The following PIK3C3 variants were observed in gnomAD, a reference collection of about 807,000 sequenced individuals.
PIK3C3 encodes the protein phosphatidylinositol 3-kinase catalytic subunit type 3.
In PIK3C3, 95 loss-of-function variants were observed where a neutral mutation model predicts 126.1. The ratio of observed to expected loss-of-function variants is 0.75; its 90% CI spans 0.64 to 0.89. The LOEUF (loss-of-function observed/expected upper bound fraction) is 0.89. PIK3C3 is among the 40% of genes least tolerant of loss of function. The probability of loss-of-function intolerance (pLI) is 0.00; values close to 1 mark genes in which losing one functional copy is unlikely to be tolerated. For synonymous variants in PIK3C3, 374 were observed against 360.0 expected, an observed-to-expected ratio of 1.04 and a Z score of -0.44; for missense variants, 829 against 1,063.2, an observed-to-expected ratio of 0.78 and a Z score of 3.06.
At chr18:42,063,916 TC>T (rs2144515527) in intron 22 of PIK3C3, among the ~76,000 whole-genome samples, 1 of 152,218 alleles carries the variant, frequency 6.6e-6, no homozygotes, top group Admixed American at 6.5e-5. Flanking sequence ...ATCCTGAAGA[TC>T]AAACCTGAAT....
At chr18:42,025,220 C>T (rs1040036547) in intron 13 of PIK3C3, 2 of 152,160 alleles carry the variant, frequency 1.3e-5, no homozygotes, top group Admixed American at 1.3e-4. Context: ...GCTATATGTT[C>T]ATTTGGAAAT....
At chr18:41,958,031 C>T (rs960159019) in intron 2 of PIK3C3, among the ~76,000 whole-genome samples, 1 of 152,170 alleles carries the variant, frequency 6.6e-6, no homozygotes, top group Non-Finnish European at 1.5e-5. Flanking sequence ...AAAAACACGT[C>T]TGTGGCATTT....
chr18:42,079,614 G>C (rs1986164142), intron 24 of PIK3C3, among the ~76,000 whole-genome samples: 2 of 152,058 alleles, frequency 1.3e-5, no homozygotes, highest in Non-Finnish European at 2.9e-5. Flanking sequence ...TCTGTGAGGT[G>C]CAGTAAAGCT....
intron 4 of PIK3C3, among the ~76,000 whole-genome samples, chr18:41,981,731 G>A (rs752576125): frequency 1.3e-5 from 2 of 151,794 alleles, no homozygotes; most frequent in Non-Finnish European, 2.9e-5. Context: ...AGGCTGAGAA[G>A]GGTGGATCAT....
chr18:42,056,055 A>G (rs1985049996), intron 21 of PIK3C3, among the ~76,000 whole-genome samples: 1 of 152,074 alleles, frequency 6.6e-6, no homozygotes, highest in African/African-American at 2.4e-5. Context: ...TTCGAATAAG[A>G]TCATACTCTC....
intron 24 of PIK3C3, among the ~76,000 whole-genome samples, chr18:42,076,145 CGCATAT>C (rs1436694971): frequency 7.6e-5 from 2 of 26,226 alleles, no homozygotes; most frequent in African/African-American, 4.4e-4. Flanking sequence ...TATATATATG[CGCATAT>C]ATATATATAT....
chr18:42,041,744 G>A (rs1362903001), intron 19 of PIK3C3, among the ~76,000 whole-genome samples: 1 of 152,134 alleles, frequency 6.6e-6, no homozygotes, highest in Admixed American at 6.5e-5. Context: ...AGTCAGATTT[G>A]TAGAAAAGTA....
chr18:41,961,586 A>G (rs183410950), intron 2 of PIK3C3, among the ~76,000 whole-genome samples: 132 of 152,006 alleles, frequency 8.7e-4, no homozygotes, highest in African/African-American at 3.1e-3. Flanking sequence ...TGTATTTAAC[A>G]TAGACTAGGA....
intron 5 of PIK3C3, among the ~76,000 whole-genome samples, chr18:41,988,744 T>C (rs1211298541): frequency 1.3e-5 from 2 of 152,168 alleles, no homozygotes; most frequent in Non-Finnish European, 2.9e-5. Context: ...ACAACATTTA[T>C]ATTCAATTCT....
rs770128678 is a variant in PIK3C3, at chr18:42,037,830, A to ACCTTATGT, written c.1968+11_1968+18dup. The ACCTTATGT allele has an allele frequency of 1.6e-5, 25 of 1,595,672 alleles. No homozygotes were observed. The Admixed American group carries it at 4.3e-4, about 27-fold the overall frequency. On this transcript the variant is annotated intron_variant, in intron 17 of 24. Transcript: ENST00000262039. ...TTCACTCATGGACAAGGTGAACATG[A>ACCTTATGT]CCTTATGTTGGTGGGGAACATTTTT... is the stretch of plus-strand genomic sequence containing the variant.
intron 3 of PIK3C3, 29 bp downstream of exon 3, chr18:41,962,661 G>C (rs1297321874): frequency 6.3e-7 from 1 of 1,590,866 alleles, no homozygotes; most frequent in Non-Finnish European, 8.6e-7. Context: ...TCATCTGTAG[G>C]AGTGTAGCAG....
At chr18:41,964,715 A>G (rs1251668975) in intron 3 of PIK3C3, among the ~76,000 whole-genome samples, 1 of 152,134 alleles carries the variant, frequency 6.6e-6, no homozygotes, top group African/African-American at 2.4e-5. Context: ...TCTCAATTAA[A>G]AAACTCAATG....
intron 7 of PIK3C3, among the ~76,000 whole-genome samples, chr18:41,994,537 A>G (rs1981935544): frequency 6.6e-6 from 1 of 152,186 alleles, no homozygotes; most frequent in Non-Finnish European, 1.5e-5. Context: ...ACATGTGTAA[A>G]CCAATATACT....
chr18:42,063,917 C>G (rs528169298), intron 22 of PIK3C3, among the ~76,000 whole-genome samples: 2 of 152,206 alleles, frequency 1.3e-5, no homozygotes, highest in East Asian at 3.9e-4. Flanking sequence ...TCCTGAAGAT[C>G]AAACCTGAAT....
intron 21 of PIK3C3, chr18:42,057,649 C>T: frequency 2.2e-6 from 1 of 446,946 alleles, no homozygotes; most frequent in Non-Finnish European, 3.9e-6. Context: ...ATTACCATTA[C>T]TGTGACATGA....
intron 4 of PIK3C3, among the ~76,000 whole-genome samples, chr18:41,983,708 C>T (rs1292966886): frequency 6.6e-6 from 1 of 152,138 alleles, no homozygotes; most frequent in East Asian, 1.9e-4. Context: ...CTTATTCTTA[C>T]ACAGTGCAGC....
At position 42,035,075 on chromosome 18, in the gene PIK3C3, C is replaced by T. The variant is rs546451983; in HGVS notation, c.1839+1118C>T. Among the ~76,000 whole-genome samples the T allele has an allele frequency of 3.9e-5, 6 of 152,268 alleles. No individual in the cohort carries two copies. In the South Asian group the frequency reaches 1.0e-3, roughly 26 times the overall value. ...TGCTTACAACCTATTGGTTTTAAAA[C>T]TCTCTAACAGATTACAACCTGCAAG... On this transcript the variant is annotated intron_variant, in intron 16 of 24. Coordinates refer to ENST00000262039, the MANE Select transcript of PIK3C3 (RefSeq NM_002647.4).
chr18:42,063,144 T>A (rs564145761), intron 22 of PIK3C3, among the ~76,000 whole-genome samples: 6 of 113,968 alleles, frequency 5.3e-5, no homozygotes, highest in Non-Finnish European at 1.0e-4. Flanking sequence ...CTATACCGCC[T>A]TAAGATGCCT....
At chr18:41,966,888 A>G (rs1008383624) in intron 3 of PIK3C3, among the ~76,000 whole-genome samples, 9 of 152,200 alleles carry the variant, frequency 5.9e-5, no homozygotes, top group African/African-American at 2.2e-4. Context: ...CATAACTAAC[A>G]TAACGTAAGA....
Sources: gnomAD v4.1 joint callset for allele counts (sites outside exome capture counted in the v4.1 genomes callset) on GRCh38, gnomAD v4.1.1 for gene constraint, MANE v1.5 for transcripts, NCBI Gene and HGNC (gene_info 2026-07-23, HGNC 2026-07-21) for gene names.